Variants in DIS3L2 observed in about 807,000 individuals in gnomAD.
The protein encoded by DIS3L2 is DIS3-like exonuclease 2.
A neutral mutation model predicts 97.5 loss-of-function variants in DIS3L2; 34 were observed. That is an observed-to-expected ratio of 0.35 (90% CI 0.27 to 0.46). The LOEUF is 0.46. Ranked by LOEUF, DIS3L2 falls within the 20% of genes least tolerant of loss-of-function variation. The pLI is 1.00. For synonymous variants in DIS3L2, 435 were observed against 445.2 expected (o/e 0.98, Z 0.29); for missense variants, 1,038 against 1,146.0 (o/e 0.91, Z 1.36).
intron 11 of DIS3L2, among the ~76,000 whole-genome samples, chr2:232,242,289 A>T (rs1328776329): frequency 6.6e-6 from 1 of 152,194 alleles, no homozygotes; most frequent in East Asian, 1.9e-4. Flanking sequence ...AAGGGGGAAA[A>T]GTCACCAATT....
At chr2:232,278,056 C>T (rs1039478272) in intron 13 of DIS3L2, among the ~76,000 whole-genome samples, 4 of 152,168 alleles carry the variant, frequency 2.6e-5, no homozygotes, top group African/African-American at 9.7e-5. Context: ...TTTAGGTTTT[C>T]CTCAGCAGGA....
intron 5 of DIS3L2, among the ~76,000 whole-genome samples, chr2:232,047,135 CAAGT>C (rs1695264452): frequency 6.6e-6 from 1 of 152,190 alleles, no homozygotes; most frequent in Non-Finnish European, 1.5e-5. Flanking sequence ...GTCTTTTTGA[CAAGT>C]AAATTTACAG....
At chr2:231,964,828 C>T (rs1233498145) in intron 1 of DIS3L2, among the ~76,000 whole-genome samples, 3 of 152,152 alleles carry the variant, frequency 2.0e-5, no homozygotes, top group East Asian at 1.9e-4. Flanking sequence ...ATATGTGGTA[C>T]GGATATTAAG....
intron 13 of DIS3L2, among the ~76,000 whole-genome samples, chr2:232,297,428 A>C (rs1377112376): frequency 6.6e-6 from 1 of 152,166 alleles, no homozygotes; most frequent in South Asian, 2.1e-4. Flanking sequence ...GCTGAATACT[A>C]TACTTCTTGG....
In DIS3L2 at chr2:232,336,994, C is replaced by T. The variant is rs1318083303; in HGVS notation, c.*364C>T. On this transcript the variant is annotated 3_prime_UTR_variant, in exon 21 of 21. Coordinates refer to ENST00000325385, the MANE Select transcript of DIS3L2 (RefSeq NM_152383.5). ...GGAGTGCCATCTGGTGTGTAGGGCG[C>T]CTCTGGGAAGCCTGGGCAGCAGAAT... 3 of 1,104,170 alleles carry T rather than the reference C, an allele frequency of 2.7e-6. No individual in the cohort carries two copies. The African/African-American group carries it at 5.1e-5, about 19-fold the overall frequency. 68.4% of individuals were successfully genotyped at this position (1,104,170 alleles called of 1,614,324 possible). A position where few individuals can be genotyped will look rare whatever the true frequency, so the allele number is the denominator to read the frequency against.
chr2:232,024,411 A>G (rs369662740), intron 4 of DIS3L2, 81 bp downstream of exon 4: 2 of 1,156,426 alleles, frequency 1.7e-6, no homozygotes, highest in Admixed American at 2.2e-5. Context: ...CATATATTCT[A>G]ACTAAAAAGC....
chr2:232,001,760 AC>A (rs1379484172), intron 1 of DIS3L2, among the ~76,000 whole-genome samples: 2 of 109,158 alleles, frequency 1.8e-5, no homozygotes, highest in Non-Finnish European at 3.5e-5. Flanking sequence ...TATTCTTGTC[AC>A]CCAGGCTGGA....
chr2:232,023,001 A>T (rs537432068), intron 3 of DIS3L2: 9 of 152,256 alleles, frequency 5.9e-5, no homozygotes, highest in African/African-American at 2.2e-4. Context: ...GTGCCCTCTT[A>T]ACCACTTTTG....
chr2:232,042,498 G>C (rs559821932), intron 5 of DIS3L2, among the ~76,000 whole-genome samples: 6 of 152,176 alleles, frequency 3.9e-5, no homozygotes, highest in Non-Finnish European at 8.8e-5. Context: ...GGGAGGGCAA[G>C]ATCTTCGGAG....
intron 10 of DIS3L2, among the ~76,000 whole-genome samples, chr2:232,214,623 A>G (rs1401287492): frequency 6.6e-6 from 1 of 152,176 alleles, no homozygotes; most frequent in Non-Finnish European, 1.5e-5. Flanking sequence ...TGAAGTCTGA[A>G]GTACATGGCT....
At position 232,263,240 on chromosome 2, in the gene DIS3L2, C is replaced by A. The variant is rs376340398; in HGVS notation, c.1459C>A (p.Arg487Ser). Residue 487 changes from arginine to serine, a missense_variant, in exon 13 of 21, where the codon CGC becomes AGC. By Grantham distance (110) the Arg-to-Ser change is moderately radical. This residue lies in a region of DIS3L2 where 813 missense variants were observed against 880.1 expected (regional missense o/e 0.92). Transcript: ENST00000325385. Reference sequence around the variant, plus strand: ...TGAATGGTTTGGCCGGACCATCATCCGCTCCTGCACCAAACTTAGCTACGA... The same window carrying A: ...TGAATGGTTTGGCCGGACCATCATCAGCTCCTGCACCAAACTTAGCTACGA... ...LDEWFGRTII[R>S]SCTKLSYEHA... The A allele has an allele frequency of 6.2e-7, 1 of 1,614,178 alleles. No individual in the cohort carries two copies.
chr2:232,113,482 C>T (rs1283285675), intron 6 of DIS3L2, among the ~76,000 whole-genome samples: 2 of 152,206 alleles, frequency 1.3e-5, no homozygotes, highest in African/African-American at 4.8e-5. Context: ...CAAAGTGGTT[C>T]CACTCCTTTT....
chr2:232,169,452 A>C (rs547123994), intron 9 of DIS3L2, among the ~76,000 whole-genome samples: 34 of 152,302 alleles, frequency 2.2e-4, no homozygotes, highest in South Asian at 6.2e-4. Flanking sequence ...TACTCAGATA[A>C]ATTACAGCAG....
chr2:232,068,211 A>G lies in DIS3L2; in HGVS notation c.367-19276A>G, dbSNP rs111586545. On this transcript the variant is annotated intron_variant, in intron 5 of 20. Transcript: ENST00000325385. ...ATATTTTAGATTTTTAAAATCTAGC[A>G]ATATGTACTTTACAGTATGCCAGAA... 1.4e-4 allele frequency among the ~76,000 whole-genome samples: 21 copies of G among 152,262 alleles called. 2 individuals are homozygous for G. Among genetic ancestry groups the G allele is most frequent in the African/African-American group, 5.1e-4 (21 of 41,554 alleles).
At chr2:232,248,717 TTTATCACTCTAGTGATA>T (rs1693333287) in intron 11 of DIS3L2, among the ~76,000 whole-genome samples, 2 of 152,220 alleles carry the variant, frequency 1.3e-5, no homozygotes, top group Non-Finnish European at 2.9e-5. Flanking sequence ...TCCTTTCTGT[TTTATCACTCTAGTGATA>T]TTTTATTGAA....
At chr2:232,312,114 G>A (rs529135258) in intron 14 of DIS3L2, among the ~76,000 whole-genome samples, 2 of 152,218 alleles carry the variant, frequency 1.3e-5, no homozygotes, top group South Asian at 4.2e-4. Context: ...TATACATGTT[G>A]CAAATATCTT....
intron 14 of DIS3L2, among the ~76,000 whole-genome samples, chr2:232,320,180 G>A (rs1169450068): frequency 6.7e-6 from 1 of 148,910 alleles, no homozygotes; most frequent in Admixed American, 6.8e-5. Context: ...AGAATGTTCT[G>A]GGGGGGGTGG....
chr2:232,014,462 A>G (rs1373253932), intron 1 of DIS3L2, among the ~76,000 whole-genome samples: 1 of 152,178 alleles, frequency 6.6e-6, no homozygotes. Flanking sequence ...CCAGTTTAGT[A>G]CCTATTCCAT....
intron 14 of DIS3L2, among the ~76,000 whole-genome samples, chr2:232,314,440 G>A (rs1486468058): frequency 1.3e-5 from 2 of 151,616 alleles, no homozygotes; most frequent in Non-Finnish European, 3.0e-5. Context: ...AGGCCCCGGA[G>A]GCCTCAGGGC....
Sources: gnomAD v4.1 joint callset for allele counts (sites outside exome capture counted in the v4.1 genomes callset) on GRCh38, gnomAD v4.1.1 for gene constraint, gnomAD v4.1.1 regional missense constraint, MANE v1.5 for transcripts, NCBI Gene and HGNC (gene_info 2026-07-23, HGNC 2026-07-21) for gene names.